The following MIEF1 variants were observed in gnomAD, a reference collection of about 807,000 sequenced individuals.
MIEF1 encodes mitochondrial dynamics protein MIEF1.
A neutral mutation model predicts 35.1 loss-of-function variants in MIEF1; 14 were observed. The observed-to-expected ratio is 0.40, with a 90% confidence interval of 0.26 to 0.62. The LOEUF is 0.62. Ranked by LOEUF, MIEF1 falls within the 20% of genes least tolerant of loss-of-function variation. The probability of loss-of-function intolerance (pLI) is 0.43; values close to 1 mark genes in which losing one functional copy is unlikely to be tolerated. For missense variants in MIEF1, 542 were observed against 615.4 expected (o/e 0.88, Z 1.26); for synonymous variants, 245 against 254.3 (o/e 0.96, Z 0.35).
At chr22:39,506,957 A>G (rs1360518267) in intron 2 of MIEF1, among the ~76,000 whole-genome samples, 2 of 152,198 alleles carry the variant, frequency 1.3e-5, no homozygotes, top group African/African-American at 2.4e-5. Context: ...TTCATCTGGC[A>G]CATCTGAAAC....
At position 39,512,427 on chromosome 22, in the gene MIEF1, G is replaced by T; in HGVS notation, c.518G>T (p.Arg173Leu). 1 of 1,614,094 alleles carries T rather than the reference G, an allele frequency of 6.2e-7. No individual in the cohort carries two copies. Among genetic ancestry groups the T allele is most frequent in the Non-Finnish European group, 8.5e-7 (1 of 1,179,988 alleles). The stretch of plus-strand genomic sequence containing the variant: ...TGTGCCGAGCTCCGGAGCTTCCTGC[G>T]GGCCAAGTTGCCTGACATGCCGCTT... ...DICAELRSFL[R>L]AKLPDMPLRD... is the part of the protein sequence containing the mutation. Residue 173 changes from arginine to leucine, a missense_variant, in exon 5 of 6, where the codon CGG becomes CTG. Transcript: ENST00000325301.
rs748094403 is a variant in MIEF1, at chr22:39,514,133, C to G, written c.1202C>G (p.Pro401Arg). 1 of 1,614,208 alleles carries G rather than the reference C, an allele frequency of 6.2e-7. No homozygotes were observed. The highest frequency in any genetic ancestry group is 8.5e-7 in the Non-Finnish European group (1 of 1,180,036). Residue 401 changes from proline to arginine, a missense_variant, in exon 6 of 6, where the codon CCG becomes CGG. Physicochemically the swap from Pro to Arg is moderately radical, Grantham distance 103. Transcript: ENST00000325301. ...GCCCAGGAGGAGGCTGACTGGTCTC[C>G]GGATATGCTGGCCGACCGTTTCCTG... is the stretch of plus-strand genomic sequence containing the variant. ...HLAQEEADWS[P>R]DMLADRFLQA...
intron 2 of MIEF1, among the ~76,000 whole-genome samples, chr22:39,505,080 GC>G (rs1929948474): frequency 6.6e-6 from 1 of 151,568 alleles, no homozygotes; most frequent in Non-Finnish European, 1.5e-5. Flanking sequence ...TTAAGTCCCA[GC>G]TACTCAGGAG....
chr22:39,507,470 C>A (rs1409653437), intron 2 of MIEF1, among the ~76,000 whole-genome samples: 1 of 151,840 alleles, frequency 6.6e-6, no homozygotes, highest in Non-Finnish European at 1.5e-5. Flanking sequence ...TGGTCTCGAT[C>A]TCCTGACCTC....
At position 39,517,430 on chromosome 22, in the gene MIEF1, C is replaced by T. The variant is rs985492098; in HGVS notation, c.*3107C>T. The T allele has an allele frequency of 1.2e-4, 47 of 378,528 alleles. No individual in the cohort carries two copies. The highest frequency in any genetic ancestry group is 7.3e-4 in the South Asian group (37 of 50,396). The allele number at this position is 378,528 out of a possible 1,614,324, so 23.4% of individuals were successfully genotyped here. A position where few individuals can be genotyped will look rare whatever the true frequency, so the allele number is the denominator to read the frequency against. On this transcript the variant is annotated 3_prime_UTR_variant, in exon 6 of 6. Coordinates refer to ENST00000325301, the MANE Select transcript of MIEF1 (RefSeq NM_019008.6). ...CAGAGGCCCACGGTCTCCTGGGTCC[C>T]GGCCACCTGTCCATATTCCACATTT...
At chr22:39,501,493 G>A (rs577901821), upstream of MIEF1, among the ~76,000 whole-genome samples, 2 of 152,166 alleles carry the variant, frequency 1.3e-5, no homozygotes, top group East Asian at 1.9e-4. Context: ...CGGTGGCCCC[G>A]GACTCCAAAG....
chr22:39,517,238 C>T lies in MIEF1; in HGVS notation c.*2915C>T, dbSNP rs778582806. ...TACGTAGCCTAACACTTAAAAAATG[C>T]ACTCATTATCTTAAACCTAATAAAT... On this transcript the variant is annotated 3_prime_UTR_variant, in exon 6 of 6. Transcript: ENST00000325301. 4 of 175,200 alleles carry T rather than the reference C, an allele frequency of 2.3e-5. No homozygotes were observed. Among genetic ancestry groups the T allele is most frequent in the Non-Finnish European group, 4.9e-5 (4 of 81,194 alleles). 10.9% of individuals were successfully genotyped at this position (175,200 alleles called of 1,614,324 possible).
At position 39,504,488 on chromosome 22, in the gene MIEF1, CCTG is replaced by C; in HGVS notation, c.-51_-49del. 2.5e-6 allele frequency: 1 copy of C among 398,848 alleles called. No homozygotes were observed. The highest frequency in any genetic ancestry group is 4.4e-6 in the Non-Finnish European group (1 of 226,112). The allele number at this position is 398,848 out of a possible 1,614,324, so 24.7% of individuals were successfully genotyped here. ...GACAAAGGTGCCTTCTGTAGACACT[CCTG>C]CTCTCTTCCATCCCCATCTTACAGA... is the stretch of plus-strand genomic sequence containing the variant. On this transcript the variant is annotated 5_prime_UTR_variant, in exon 2 of 6. Coordinates refer to ENST00000325301, the MANE Select transcript of MIEF1 (RefSeq NM_019008.6).
chr22:39,505,545 C>T (rs912816841), intron 2 of MIEF1, among the ~76,000 whole-genome samples: 1 of 152,104 alleles, frequency 6.6e-6, no homozygotes, highest in Admixed American at 6.6e-5. Context: ...CAGCATGGTA[C>T]CCCTGTAAGG....
chr22:39,512,772 G>C (rs148913714), intron 5 of MIEF1, among the ~76,000 whole-genome samples: 2 of 151,876 alleles, frequency 1.3e-5, no homozygotes, highest in East Asian at 3.9e-4. Flanking sequence ...TCAGCCTTCC[G>C]AGTAGCTGGG....
intron 2 of MIEF1, among the ~76,000 whole-genome samples, chr22:39,507,286 C>A (rs770536337): frequency 6.6e-6 from 1 of 151,924 alleles, no homozygotes; most frequent in South Asian, 2.1e-4. Context: ...GCTCTGTCAC[C>A]CAGGCTGGAG....
At chr22:39,505,118 C>T (rs371687523) in intron 2 of MIEF1, among the ~76,000 whole-genome samples, 3 of 151,974 alleles carry the variant, frequency 2.0e-5, no homozygotes, top group African/African-American at 7.2e-5. Flanking sequence ...TGCTTGAACC[C>T]GGCACGTGGA....
chr22:39,512,628 A>G (rs909025410), intron 5 of MIEF1, 134 bp downstream of exon 5: 1 of 1,182,488 alleles, frequency 8.5e-7, no homozygotes, highest in Non-Finnish European at 1.2e-6. Flanking sequence ...CCTCAGCAGC[A>G]TTTGGAGATC....
chr22:39,513,425 G>T (rs529124639), intron 5 of MIEF1, 92 bp from the exon 6 acceptor site: 4 of 1,313,020 alleles, frequency 3.0e-6, no homozygotes, highest in African/African-American at 2.9e-5. Flanking sequence ...TTCTTGCTGG[G>T]GGGGAATGTA....
rs867109910 is a variant in MIEF1 at position 39,513,773 on chromosome 22, C to T, written c.842C>T (p.Ser281Phe). The change falls in exon 6 of 6, where the codon TCC becomes TTC. Residue 281 changes from serine (S) to phenylalanine (F), a missense_variant. Coordinates refer to ENST00000325301, the MANE Select transcript of MIEF1 (RefSeq NM_019008.6). ...TCCATCAATTGGCCAGCCATAGGGT[C>T]CCTCTTGGACTATGTGATCCGCCCG... ...AGSINWPAIG[S>F]LLDYVIRPAP... 6 of 1,613,996 alleles carry T rather than the reference C, an allele frequency of 3.7e-6. No homozygotes were observed. The highest frequency in any genetic ancestry group is 4.2e-6 in the Non-Finnish European group (5 of 1,180,032).
chr22:39,507,163 G>A (rs1389666129), intron 2 of MIEF1, among the ~76,000 whole-genome samples: 1 of 152,114 alleles, frequency 6.6e-6, no homozygotes, highest in Non-Finnish European at 1.5e-5. Flanking sequence ...TGTGGATGCC[G>A]TCTTCTGTTC....
intron 4 of MIEF1, 95 bp downstream of exon 4, chr22:39,512,121 A>T: frequency 6.4e-7 from 1 of 1,557,938 alleles, no homozygotes; most frequent in South Asian, 1.2e-5. Flanking sequence ...TGTGCCAGGC[A>T]CTGTGCCAGC....
intron 2 of MIEF1, among the ~76,000 whole-genome samples, chr22:39,507,466 C>T (rs571437264): frequency 4.6e-5 from 7 of 151,732 alleles, no homozygotes; most frequent in East Asian, 2.0e-4. Context: ...AGGATGGTCT[C>T]GATCTCCTGA....
chr22:39,505,176 A>C (rs1263972615), intron 2 of MIEF1, among the ~76,000 whole-genome samples: 1 of 151,776 alleles, frequency 6.6e-6, no homozygotes, highest in Non-Finnish European at 1.5e-5. Context: ...CCTGGGTGAC[A>C]GAGTGACACT....
Sources: gnomAD v4.1 joint callset for allele counts (sites outside exome capture counted in the v4.1 genomes callset) on GRCh38, gnomAD v4.1.1 for gene constraint, MANE v1.5 for transcripts, NCBI Gene and HGNC (gene_info 2026-07-23, HGNC 2026-07-21) for gene names.